NBEA: variants seen among roughly 807,000 people sequenced by gnomAD.
The protein encoded by NBEA is lysosomal-trafficking regulator 2.
In NBEA, 44 loss-of-function variants were observed where a neutral mutation model predicts 343.4. The ratio of observed to expected loss-of-function variants is 0.13; its 90% confidence interval spans 0.10 to 0.16. NBEA has a LOEUF of 0.16. Ranked by LOEUF, NBEA falls within the 10% of genes least tolerant of loss-of-function variation. The pLI, the probability that NBEA is intolerant of heterozygous loss-of-function variation, is 1.00. For synonymous variants in NBEA, 1,175 were observed against 1,238.7 expected, an observed-to-expected ratio of 0.95 and a Z score of 1.08; for missense variants, 2,555 against 3,631.3, an observed-to-expected ratio of 0.70 and a Z score of 7.62.
At chr13:35,664,956 C>A in intron 55 of NBEA, 129 bp from the exon 56 acceptor site, 1 of 656,414 alleles carries the variant, frequency 1.5e-6, no homozygotes, top group Non-Finnish European at 2.7e-6. Context: ...AAGTAACTGG[C>A]TCATGGTCAC....
chr13:34,975,331 G>A (rs1334928314), intron 1 of NBEA, among the ~76,000 whole-genome samples: 2 of 152,078 alleles, frequency 1.3e-5, no homozygotes, highest in Admixed American at 6.6e-5. Flanking sequence ...GCTGATCTTC[G>A]ACAAAGCAAA....
chr13:35,255,848 C>G (rs1160705395), intron 34 of NBEA, among the ~76,000 whole-genome samples: 1 of 152,204 alleles, frequency 6.6e-6, no homozygotes, highest in East Asian at 1.9e-4. Flanking sequence ...GTCCCAAGTT[C>G]TTGACCCATG....
At chr13:34,959,320 T>C (rs1434806935) in intron 1 of NBEA, among the ~76,000 whole-genome samples, 2 of 152,180 alleles carry the variant, frequency 1.3e-5, no homozygotes, top group East Asian at 3.9e-4. Flanking sequence ...TTCATTGCTG[T>C]TGTTGTTGGA....
intron 41 of NBEA, among the ~76,000 whole-genome samples, chr13:35,529,173 G>T (rs2078132754): frequency 6.6e-6 from 1 of 152,168 alleles, no homozygotes; most frequent in African/African-American, 2.4e-5. Flanking sequence ...CACAGGCTCA[G>T]ACAGGTTAAA....
intron 41 of NBEA, among the ~76,000 whole-genome samples, chr13:35,532,702 T>C (rs2078325809): frequency 6.6e-6 from 1 of 152,174 alleles, no homozygotes; most frequent in South Asian, 2.1e-4. Context: ...TGCATCATTC[T>C]AGATACTTCT....
intron 34 of NBEA, among the ~76,000 whole-genome samples, chr13:35,273,913 C>A (rs912527686): frequency 6.6e-6 from 1 of 152,110 alleles, no homozygotes; most frequent in Non-Finnish European, 1.5e-5. Context: ...CAGACAGATT[C>A]ACAGCCGAAT....
intron 45 of NBEA, among the ~76,000 whole-genome samples, chr13:35,575,308 G>A (rs1454462494): frequency 6.6e-6 from 1 of 152,096 alleles, no homozygotes; most frequent in Non-Finnish European, 1.5e-5. Context: ...AAATTGCAAA[G>A]GGAATGTTTA....
intron 34 of NBEA, among the ~76,000 whole-genome samples, chr13:35,254,001 T>G (rs1446758451): frequency 6.6e-6 from 1 of 152,172 alleles, no homozygotes; most frequent in Non-Finnish European, 1.5e-5. Flanking sequence ...TGGAAATTAG[T>G]CAACTACATT....
intron 10 of NBEA, among the ~76,000 whole-genome samples, chr13:35,072,935 CAGGCTACCCTGTGATTTAGTT>C (rs2063939473): frequency 6.6e-6 from 1 of 152,154 alleles, no homozygotes; most frequent in Non-Finnish European, 1.5e-5. Context: ...TACTCAATTC[CAGGCTACCCTGTGATTTAGTT>C]ATGTACTATT....
In NBEA at chr13:35,156,168, T is replaced by G; in HGVS notation, c.2613T>G (p.Asp871Glu). 1 of 1,591,500 alleles carries G rather than the reference T, an allele frequency of 6.3e-7. No individual in the cohort carries two copies. Among genetic ancestry groups the G allele is most frequent in the Non-Finnish European group, 8.6e-7 (1 of 1,169,328 alleles). ...AAGTTCGTCGTTTATTTTTATCTGA[T>G]ATGATAAAACTTTTCAGTAACAGCC... ...LMEVRRLFLS[D>E]MIKLFSNSRE... The change falls in exon 20 of 59, where the codon GAT becomes GAG. Residue 871 changes from aspartate (D) to glutamate (E), a missense_variant. Physicochemically the swap from Asp to Glu is conservative, Grantham distance 45. Coordinates refer to ENST00000379939, the MANE Select transcript of NBEA (RefSeq NM_001385012.1).
intron 35 of NBEA, among the ~76,000 whole-genome samples, chr13:35,305,775 T>C (rs1454166937): frequency 6.6e-6 from 1 of 152,190 alleles, no homozygotes. Context: ...CATAAACTTG[T>C]TTCTCCTGTT....
chr13:35,050,171 G>T (rs2152563340), intron 5 of NBEA, 98 bp from the exon 6 acceptor site: 2 of 1,154,372 alleles, frequency 1.7e-6, no homozygotes, highest in Admixed American at 2.7e-5. Context: ...CTACTGTACA[G>T]GGAAATAAGT....
chr13:35,067,047 A>G (rs2063678724), intron 8 of NBEA, among the ~76,000 whole-genome samples: 4 of 151,982 alleles, frequency 2.6e-5, no homozygotes, highest in African/African-American at 9.7e-5. Context: ...TGTTACTTCT[A>G]TAGAGCTCTA....
At chr13:35,415,290 A>G (rs1017922900) in intron 38 of NBEA, among the ~76,000 whole-genome samples, 1 of 152,112 alleles carries the variant, frequency 6.6e-6, no homozygotes, top group Non-Finnish European at 1.5e-5. Flanking sequence ...TTGGTGTTTT[A>G]GTCATGAAGT....
intron 30 of NBEA, among the ~76,000 whole-genome samples, chr13:35,190,449 T>C (rs2072099060): frequency 1.3e-5 from 2 of 151,930 alleles, no homozygotes; most frequent in African/African-American, 4.8e-5. Flanking sequence ...CATGAGAACA[T>C]TGCAAGCATA....
intron 1 of NBEA, among the ~76,000 whole-genome samples, chr13:35,004,555 A>G: frequency 6.6e-6 from 1 of 152,114 alleles, no homozygotes; most frequent in Non-Finnish European, 1.5e-5. Context: ...TTCTTTTTTC[A>G]TTTATGCCCT....
At chr13:35,283,645 G>A (rs1327416408) in intron 34 of NBEA, among the ~76,000 whole-genome samples, 1 of 152,064 alleles carries the variant, frequency 6.6e-6, no homozygotes, top group African/African-American at 2.4e-5. Flanking sequence ...ATATTTCATA[G>A]CATCTTTAGG....
intron 49 of NBEA, among the ~76,000 whole-genome samples, chr13:35,642,125 T>G (rs1046522938): frequency 6.6e-6 from 1 of 152,208 alleles, no homozygotes; most frequent in Non-Finnish European, 1.5e-5. Flanking sequence ...TTAGCCACAT[T>G]TGTTTTAAAA....
chr13:35,028,274 A>G (rs1301827892), intron 1 of NBEA, among the ~76,000 whole-genome samples: 1 of 151,878 alleles, frequency 6.6e-6, no homozygotes, highest in Non-Finnish European at 1.5e-5. Context: ...TGATATCTTT[A>G]TTATGTTGAA....
Sources: allele counts gnomAD v4.1 joint callset (sites outside exome capture counted in the v4.1 genomes callset), GRCh38; gene constraint gnomAD v4.1.1; transcripts MANE v1.5; gene names NCBI Gene and HGNC (gene_info 2026-07-23, HGNC 2026-07-21).